FBXL14: variants seen among roughly 807,000 people sequenced by gnomAD.
FBXL14 encodes the protein F-box/LRR-repeat protein 14.
Under a neutral mutation model 24.5 loss-of-function variants are expected in FBXL14, and 11 were observed. That is an observed-to-expected ratio of 0.45 (90% CI 0.28 to 0.74). The LOEUF is 0.74. FBXL14 is among the 30% of genes least tolerant of loss of function. FBXL14 has a pLI of 0.12. For missense variants in FBXL14, 384 were observed against 545.6 expected, an observed-to-expected ratio of 0.70 and a Z score of 2.95; for synonymous variants, 294 against 240.4, an observed-to-expected ratio of 1.22 and a Z score of -2.06.
rs2094436624 is a variant in FBXL14, at chr12:1,566,539, C to T, written c.*209G>A. The T allele has an allele frequency of 8.5e-6, 4 of 471,200 alleles. No homozygotes were observed. The highest frequency in any genetic ancestry group is 1.5e-5 in the Non-Finnish European group (4 of 265,628). The allele number at this position is 471,200 out of a possible 1,614,324, so 29.2% of individuals were successfully genotyped here. On this transcript the variant is annotated 3_prime_UTR_variant, in exon 2 of 2. Transcript: ENST00000339235. ...TGGATCCATAAAGGAAGCGAGGTCT[C>T]AGAGCAAACCACTGTCCCCAGAACT...
At chr12:1,586,750 G>A (rs751810435) in intron 1 of FBXL14, among the ~76,000 whole-genome samples, 5 of 152,272 alleles carry the variant, frequency 3.3e-5, no homozygotes, top group South Asian at 2.1e-4. Context: ...CAGAGAAACC[G>A]AACATTGTGT....
At chr12:1,568,110 C>A (rs1162351362) in intron 1 of FBXL14, among the ~76,000 whole-genome samples, 1 of 152,190 alleles carries the variant, frequency 6.6e-6, no homozygotes, top group Non-Finnish European at 1.5e-5. Flanking sequence ...CTGGGCATAT[C>A]ATTTTCAAAC....
At chr12:1,588,478 T>C (rs2094481461) in intron 1 of FBXL14, among the ~76,000 whole-genome samples, 1 of 152,210 alleles carries the variant, frequency 6.6e-6, no homozygotes, top group Non-Finnish European at 1.5e-5. Flanking sequence ...AGTTTATTTT[T>C]AGGATATACT....
chr12:1,573,321 AT>A (rs1334565627), intron 1 of FBXL14, among the ~76,000 whole-genome samples: 1 of 152,100 alleles, frequency 6.6e-6, no homozygotes, highest in Non-Finnish European at 1.5e-5. Flanking sequence ...CTGGTGTTAC[AT>A]TTTTTGTCTG....
Position 1,587,271 on chromosome 12 carries a change from T to A in FBXL14, c.1194+5602A>T, listed in dbSNP as rs1306030821. On this transcript the variant is annotated intron_variant, in intron 1 of 1. Coordinates refer to ENST00000339235, the MANE Select transcript of FBXL14 (RefSeq NM_152441.3). ...AAAAAAAAAAAAAAAAAAATTGAAG[T>A]AGAAGAGTAATGAAATAATAGAAAC... The A allele has an allele frequency of 8.7e-5, 13 of 149,510 alleles. 1 individual carries two copies. Among genetic ancestry groups the A allele is most frequent in the Admixed American group, 7.3e-4 (11 of 15,082 alleles). The allele number at this position is 149,510 out of a possible 1,614,324, so 9.3% of individuals were successfully genotyped here.
intron 1 of FBXL14, among the ~76,000 whole-genome samples, chr12:1,581,358 G>A (rs2094465982): frequency 6.6e-6 from 1 of 152,138 alleles, no homozygotes; most frequent in South Asian, 2.1e-4. Context: ...AGAGGGTTTG[G>A]GGAAGGTCCC....
rs1347099184 is a variant in FBXL14, at chr12:1,593,348, C to T, written c.719G>A (p.Gly240Glu). ...LRLLNLSFCG[G>E]ISDAGLLHLS... The stretch of plus-strand genomic sequence containing the variant: ...GTGCAGGAGGCCAGCGTCCGAGATT[C>T]CCCCACAGAAGCTGAGGTTGAGGAG... Residue 240 changes from glycine (G) to glutamate (E), a missense_variant, in exon 1 of 2, where the codon GGA (glycine) becomes GAA (glutamate). Gly to Glu is a moderately conservative substitution (Grantham distance 98). Transcript: ENST00000339235. This position sits in a 1 kb window ranked among gnomAD's most constrained non-coding sequence, Gnocchi z 7.4. 16 of 1,613,788 alleles carry T rather than the reference C, an allele frequency of 9.9e-6. No individual in the cohort carries two copies. Among genetic ancestry groups the T allele is most frequent in the Non-Finnish European group, 1.4e-5 (16 of 1,180,032 alleles).
intron 1 of FBXL14, among the ~76,000 whole-genome samples, chr12:1,577,642 C>A (rs761398557): frequency 1.3e-5 from 2 of 152,148 alleles, no homozygotes; most frequent in Non-Finnish European, 2.9e-5. Flanking sequence ...GGGAGATGCC[C>A]GAGAGGACGT....
chr12:1,573,822 T>G lies in FBXL14; in HGVS notation c.1195-7012A>C, dbSNP rs368482851. Among the ~76,000 whole-genome samples, 39 of 152,244 alleles carry G rather than the reference T, an allele frequency of 2.6e-4. No homozygotes were observed. The Middle Eastern group carries it at 0.01, about 40-fold the overall frequency. ...GAGTTTGAGACCAGCCTGACCAACA[T>G]GGAGAAACCTTGTCTCTACTACAAA... On this transcript the variant is annotated intron_variant, in intron 1 of 1. Transcript: ENST00000339235.
In FBXL14 at chr12:1,594,121, C is replaced by T. The variant is rs1264341686; in HGVS notation, c.-55G>A. ...GGGAGGAGGCGCGGGCCCCGCCGCTCCGGCCTCGGGCAGGCGACGAGAGCG... is the reference window on the plus strand; with the variant it reads ...GGGAGGAGGCGCGGGCCCCGCCGCTTCGGCCTCGGGCAGGCGACGAGAGCG... On this transcript the variant is annotated 5_prime_UTR_variant, in exon 1 of 2. Transcript: ENST00000339235. 3 of 1,308,396 alleles carry T rather than the reference C, an allele frequency of 2.3e-6. No individual in the cohort carries two copies. The highest frequency in any genetic ancestry group is 2.9e-6 in the Non-Finnish European group (3 of 1,030,940). 81.0% of individuals were successfully genotyped at this position (1,308,396 alleles called of 1,614,324 possible).
At chr12:1,581,847 G>A (rs1477600610) in intron 1 of FBXL14, among the ~76,000 whole-genome samples, 2 of 152,206 alleles carry the variant, frequency 1.3e-5, no homozygotes, top group African/African-American at 2.4e-5. Flanking sequence ...GCCCAGGGCC[G>A]GGCCTGGTGA....
At chr12:1,577,477 G>A (rs1002698140) in intron 1 of FBXL14, among the ~76,000 whole-genome samples, 1 of 152,122 alleles carries the variant, frequency 6.6e-6, no homozygotes, top group African/African-American at 2.4e-5. Flanking sequence ...CCTTGAATAG[G>A]CAGGCATATT....
At chr12:1,585,214 T>G (rs2094474147) in intron 1 of FBXL14, among the ~76,000 whole-genome samples, 2 of 151,936 alleles carry the variant, frequency 1.3e-5, no homozygotes, top group African/African-American at 4.8e-5. Flanking sequence ...CTGACTAACA[T>G]GGTGAAACCC....
chr12:1,591,576 G>A (rs950366518), intron 1 of FBXL14, among the ~76,000 whole-genome samples: 1 of 151,938 alleles, frequency 6.6e-6, no homozygotes, highest in African/African-American at 2.4e-5. Flanking sequence ...AAAATCCAAC[G>A]AAAATATACA....
Position 1,569,928 on chromosome 12 carries a change from G to A in FBXL14, c.1195-3118C>T, listed in dbSNP as rs1260102087. 2.0e-5 allele frequency among the ~76,000 whole-genome samples: 3 copies of A among 152,220 alleles called. No individual in the cohort carries two copies. On this transcript the variant is annotated intron_variant, in intron 1 of 1. Coordinates refer to ENST00000339235, the MANE Select transcript of FBXL14 (RefSeq NM_152441.3). The surrounding 1 kb of genome is among the most constrained non-coding windows in gnomAD (Gnocchi z 4.2). ...TGCAGAGCCAGCATCCCCCTCGAGA[G>A]CTGCACTTCTGCCCTCAGGCCCACT... is the stretch of plus-strand genomic sequence containing the variant.
At chr12:1,570,218 G>C (rs1259780459) in intron 1 of FBXL14, among the ~76,000 whole-genome samples, 1 of 150,572 alleles carries the variant, frequency 6.6e-6, no homozygotes, top group East Asian at 2.0e-4. Context: ...ATCAGAGAGT[G>C]GGAAAGTGAG....
At chr12:1,589,272 G>C (rs528569079) in intron 1 of FBXL14, among the ~76,000 whole-genome samples, 1 of 150,408 alleles carries the variant, frequency 6.6e-6, no homozygotes, top group Non-Finnish European at 1.5e-5. Context: ...GGTGGTGTGC[G>C]CCTGTAGTCT....
At chr12:1,584,619 TGAA>T (rs929722016) in intron 1 of FBXL14, among the ~76,000 whole-genome samples, 3 of 152,210 alleles carry the variant, frequency 2.0e-5, no homozygotes, top group African/African-American at 7.2e-5. Flanking sequence ...TCTGGAAACT[TGAA>T]GACCTTTTCT....
chr12:1,593,341 C>G lies in FBXL14; in HGVS notation c.726G>C (p.Ser242=), dbSNP rs746140529. 2 of 1,613,764 alleles carry G rather than the reference C, an allele frequency of 1.2e-6. No individual in the cohort carries two copies. The highest frequency in any genetic ancestry group is 1.7e-6 in the Non-Finnish European group (2 of 1,180,042). ...LLNLSFCGGI[S]DAGLLHLSHM... ...GCGACAGGTGCAGGAGGCCAGCGTCCGAGATTCCCCCACAGAAGCTGAGGT... is the reference window on the plus strand; with the variant it reads ...GCGACAGGTGCAGGAGGCCAGCGTCGGAGATTCCCCCACAGAAGCTGAGGT... Residue 242 remains serine, a synonymous_variant, in exon 1 of 2, where the codon TCG becomes TCC. Transcript: ENST00000339235. This position sits in a 1 kb window ranked among gnomAD's most constrained non-coding sequence, Gnocchi z 7.4.
Sources: allele counts gnomAD v4.1 joint callset (sites outside exome capture counted in the v4.1 genomes callset), GRCh38; gene constraint gnomAD v4.1.1; non-coding constraint Gnocchi (gnomAD v3.1); transcripts MANE v1.5; gene names NCBI Gene and HGNC (gene_info 2026-07-23, HGNC 2026-07-21).